The following NAA15 variants were observed in gnomAD, a reference collection of about 807,000 sequenced individuals.
The protein encoded by NAA15 is N-terminal acetyltransferase.
A neutral mutation model predicts 114.0 loss-of-function variants in NAA15; 34 were observed. The ratio of observed to expected loss-of-function variants is 0.30; its 90% CI spans 0.23 to 0.40. The LOEUF (loss-of-function observed/expected upper bound fraction) is 0.40, where lower values mean the gene tolerates loss of function less well. Ranked by LOEUF, NAA15 falls within the 10% of genes least tolerant of loss-of-function variation. The pLI is 1.00. For missense variants in NAA15, 658 were observed against 1,004.5 expected, an observed-to-expected ratio of 0.66 and a Z score of 4.66; for synonymous variants, 340 against 338.0, an observed-to-expected ratio of 1.01 and a Z score of -0.06.
intron 14 of NAA15, among the ~76,000 whole-genome samples, chr4:139,363,997 CAGCCT>C (rs1748207313): frequency 6.6e-6 from 1 of 152,234 alleles, no homozygotes; most frequent in Admixed American, 6.5e-5. Flanking sequence ...CCTCTCAACT[CAGCCT>C]CCTGAGTAGT....
intron 17 of NAA15, chr4:139,379,300 A>G (rs1177838915): frequency 6.6e-6 from 1 of 152,482 alleles, no homozygotes; most frequent in Non-Finnish European, 1.5e-5. Context: ...TAAAACAATT[A>G]TCTGTATCTT....
intron 2 of NAA15, among the ~76,000 whole-genome samples, chr4:139,334,887 G>T (rs1255527528): frequency 6.6e-6 from 1 of 152,050 alleles, no homozygotes; most frequent in Non-Finnish European, 1.5e-5. Context: ...AAGGGGGAGA[G>T]TAGTAATTCT....
intron 4 of NAA15, among the ~76,000 whole-genome samples, chr4:139,341,518 C>T (rs544578157): frequency 1.9e-4 from 25 of 129,740 alleles, no homozygotes; most frequent in Non-Finnish European, 3.6e-4. Flanking sequence ...GGCCTGAACC[C>T]GGGAGGTGGA....
At chr4:139,323,795 A>C (rs886099419) in intron 1 of NAA15, among the ~76,000 whole-genome samples, 1 of 152,214 alleles carries the variant, frequency 6.6e-6, no homozygotes, top group Admixed American at 6.5e-5. Context: ...CCAGTTTTAT[A>C]GTTGGCAGGA....
At chr4:139,373,154 T>C (rs577633596) in intron 15 of NAA15, among the ~76,000 whole-genome samples, 1 of 152,260 alleles carries the variant, frequency 6.6e-6, no homozygotes, top group Admixed American at 6.5e-5. Flanking sequence ...AGTGCTGGGA[T>C]TACAGGTGTG....
rs780269223 is a variant in NAA15 at position 139,342,970 on chromosome 4, A to G, written c.537+10A>G. On this transcript the variant is annotated intron_variant, in intron 5 of 19. Transcript: ENST00000296543. ...TAGGAAAACACAACAGGTAATAACT[A>G]GAAGCCATTTTACTAAGTCTGATCC... 3.4e-5 allele frequency: 54 copies of G among 1,608,034 alleles called. No individual in the cohort carries two copies. Among genetic ancestry groups the G allele is most frequent in the African/African-American group, 1.3e-4 (10 of 74,862 alleles).
intron 1 of NAA15, among the ~76,000 whole-genome samples, chr4:139,327,549 C>G (rs1218374253): frequency 6.6e-6 from 1 of 152,148 alleles, no homozygotes; most frequent in Non-Finnish European, 1.5e-5. Flanking sequence ...CCACTGCGCC[C>G]AGCCTGACCA....
chr4:139,315,605 G>T (rs757541260), intron 1 of NAA15, among the ~76,000 whole-genome samples: 2 of 151,822 alleles, frequency 1.3e-5, no homozygotes, highest in Non-Finnish European at 2.9e-5. Flanking sequence ...TCCCAAATTA[G>T]GTAGTGAGAT....
At chr4:139,371,497 G>GCACGCA (rs1553998024) in intron 15 of NAA15, among the ~76,000 whole-genome samples, 2 of 113,678 alleles carry the variant, frequency 1.8e-5, no homozygotes, top group South Asian at 3.6e-4. Flanking sequence ...AAGAAAAGTA[G>GCACGCA]CACACACACA....
intron 1 of NAA15, among the ~76,000 whole-genome samples, chr4:139,328,118 A>ATTTTTTT (rs35354123): frequency 6.7e-6 from 1 of 149,344 alleles, no homozygotes; most frequent in Non-Finnish European, 1.5e-5. Context: ...TAGCCCACTG[A>ATTTTTTT]TTTTTTTTTT....
At position 139,361,919 on chromosome 4, in the gene NAA15, G is replaced by T; in HGVS notation, c.1735G>T (p.Glu579Ter). The T allele has an allele frequency of 6.2e-7, 1 of 1,611,706 alleles. No individual in the cohort carries two copies. Among genetic ancestry groups the T allele is most frequent in the Non-Finnish European group, 8.5e-7 (1 of 1,178,902 alleles). The change falls in exon 14 of 20, where the codon GAA (glutamate) becomes TAA (stop). Residue 579 changes from glutamate to a stop codon, truncating the protein, a stop_gained. Coordinates refer to ENST00000296543, the MANE Select transcript of NAA15 (RefSeq NM_057175.5). LOFTEE classifies it high-confidence loss of function. ...HDNPLTDENK[E>*]HEADTANMSD... Reference sequence around the variant, plus strand: ...CAACCCCCTTACAGATGAGAATAAAGAACACGAAGCTGATACAGGTATAAT... The same window carrying T: ...CAACCCCCTTACAGATGAGAATAAATAACACGAAGCTGATACAGGTATAAT...
intron 1 of NAA15, among the ~76,000 whole-genome samples, chr4:139,324,653 C>G (rs1027972444): frequency 6.6e-6 from 1 of 152,132 alleles, no homozygotes; most frequent in Admixed American, 6.6e-5. Context: ...AGTTTAGGGC[C>G]GGGCGCAGTG....
intron 1 of NAA15, among the ~76,000 whole-genome samples, chr4:139,314,461 A>G (rs1746315650): frequency 6.6e-6 from 1 of 151,928 alleles, no homozygotes; most frequent in African/African-American, 2.4e-5. Flanking sequence ...AAAACAAGCA[A>G]TGTAACAGAA....
At chr4:139,367,496 A>G (rs913350995) in intron 14 of NAA15, among the ~76,000 whole-genome samples, 2 of 152,214 alleles carry the variant, frequency 1.3e-5, no homozygotes, top group Non-Finnish European at 2.9e-5. Flanking sequence ...AATAAACATC[A>G]TGAATCTTTT....
chr4:139,329,456 A>G (rs1746925259), intron 1 of NAA15, among the ~76,000 whole-genome samples: 1 of 151,980 alleles, frequency 6.6e-6, no homozygotes, highest in Admixed American at 6.6e-5. Context: ...GTGGTGTTGG[A>G]CTTTGTTGTG....
intron 19 of NAA15, among the ~76,000 whole-genome samples, chr4:139,387,082 G>C (rs923297796): frequency 3.3e-5 from 5 of 152,090 alleles, no homozygotes; most frequent in African/African-American, 1.2e-4. Flanking sequence ...AATTAGACTT[G>C]TTTGTTTTAC....
intron 14 of NAA15, among the ~76,000 whole-genome samples, chr4:139,366,321 G>T (rs878879367): frequency 6.6e-6 from 1 of 152,192 alleles, no homozygotes; most frequent in Admixed American, 6.5e-5. Flanking sequence ...ACTCAACCTG[G>T]CTGTTGGCAT....
intron 3 of NAA15, among the ~76,000 whole-genome samples, chr4:139,338,328 A>G (rs1003530177): frequency 2.0e-5 from 3 of 152,242 alleles, no homozygotes; most frequent in African/African-American, 7.2e-5. Context: ...TATTACGGAA[A>G]TCAAGATTAT....
chr4:139,323,276 C>T (rs948781184), intron 1 of NAA15, among the ~76,000 whole-genome samples: 11 of 152,066 alleles, frequency 7.2e-5, no homozygotes, highest in Admixed American at 1.3e-4. Flanking sequence ...AGGCTGGTCT[C>T]GAACTCCTGA....
Sources: allele counts gnomAD v4.1 joint callset (sites outside exome capture counted in the v4.1 genomes callset), GRCh38; gene constraint gnomAD v4.1.1; transcripts MANE v1.5; gene names NCBI Gene and HGNC (gene_info 2026-07-23, HGNC 2026-07-21).